TEAD3: variants seen among roughly 807,000 people sequenced by gnomAD.
TEAD3 encodes transcriptional enhancer factor TEF-5.
Under a neutral mutation model 55.6 loss-of-function variants are expected in TEAD3, and 15 were observed. The ratio of observed to expected loss-of-function variants is 0.27; its 90% CI spans 0.18 to 0.42. The LOEUF is 0.42. Ranked by LOEUF, TEAD3 falls within the 10% of genes least tolerant of loss-of-function variation. TEAD3 has a pLI of 1.00. For missense variants in TEAD3, 407 were observed against 576.8 expected, an observed-to-expected ratio of 0.71 and a Z score of 3.01; for synonymous variants, 210 against 232.2, an observed-to-expected ratio of 0.90 and a Z score of 0.87.
In TEAD3 at chr6:35,491,812, G is replaced by C. The variant is rs546356553; in HGVS notation, c.-50+5086C>G. On this transcript the variant is annotated intron_variant, in intron 1 of 12. Coordinates refer to ENST00000639578, the Ensembl canonical transcript of TEAD3. This position sits in a 1 kb window ranked among gnomAD's most constrained non-coding sequence, Gnocchi z 4.4. ...CTTTGGGGCCCTGGGGAAGATAAGG[G>C]GCACCTTGCTGCCCACCCCCACCCT... Among the ~76,000 whole-genome samples the C allele has an allele frequency of 6.6e-6, 1 of 152,310 alleles. No individual in the cohort carries two copies. The highest frequency in any genetic ancestry group is 1.5e-5 in the Non-Finnish European group (1 of 68,014).
At position 35,486,652 on chromosome 6, in the gene TEAD3, T is replaced by G; in HGVS notation, c.11A>C (p.Asn4Thr). Residue 4 changes from asparagine (N) to threonine (T), a missense_variant, in exon 2 of 13, where the codon AAC becomes ACC. By Grantham distance (65) the Asn-to-Thr change is moderately conservative. Transcript: ENST00000639578. The surrounding 1 kb of genome is among the most constrained non-coding windows in gnomAD (Gnocchi z 7.3). ...GGGGCTGCTGCTGGCGTTCCAGCTG[T>G]TGGACGCTATTGTGCTGGTTGCTCT... 2 of 1,612,530 alleles carry G rather than the reference T, an allele frequency of 1.2e-6. No individual in the cohort carries two copies. The highest frequency in any genetic ancestry group is 1.7e-6 in the Non-Finnish European group (2 of 1,179,704).
chr6:35,473,620 ATAACTT>A (rs1483840936), downstream of TEAD3: 2 of 149,226 alleles, frequency 1.3e-5, no homozygotes, highest in African/African-American at 2.5e-5. Context: ...CCACAAACAA[ATAACTT>A]TAATTTTTTT....
At chr6:35,490,971 C>T (rs1042507155) in intron 1 of TEAD3, among the ~76,000 whole-genome samples, 2 of 149,550 alleles carry the variant, frequency 1.3e-5, no homozygotes, top group African/African-American at 5.0e-5. Flanking sequence ...AGAGGAGACC[C>T]AAGTGAGGGT....
exon 6 of TEAD3, chr6:35,478,485 C>T: frequency 6.2e-7 from 1 of 1,612,668 alleles, no homozygotes. Context: ...GTGGGCTGAA[C>T]TTGTTCTGCA....
intron 1 of TEAD3, among the ~76,000 whole-genome samples, chr6:35,489,599 G>A (rs1350273481): frequency 6.6e-6 from 1 of 152,192 alleles, no homozygotes; most frequent in East Asian, 1.9e-4. Context: ...AGAAGGAGCT[G>A]TGCCCCTGAC....
intron 1 of TEAD3, among the ~76,000 whole-genome samples, chr6:35,487,491 G>T (rs1459570794): frequency 2.0e-5 from 3 of 148,316 alleles, no homozygotes; most frequent in Non-Finnish European, 3.0e-5. Context: ...GGCAGAGGTT[G>T]CAGTGAGCCG....
chr6:35,476,474 T>C (rs769159721), intron 8 of TEAD3, 39 bp from the exon 9 acceptor site: 6 of 1,606,414 alleles, frequency 3.7e-6, no homozygotes, highest in Non-Finnish European at 5.1e-6. Context: ...CATGGATGCA[T>C]GCAGGTGCTT....
intron 1 of TEAD3, among the ~76,000 whole-genome samples, chr6:35,490,243 G>A (rs1361154845): frequency 2.0e-5 from 3 of 152,188 alleles, no homozygotes; most frequent in Admixed American, 1.3e-4. Context: ...GGAGCACTGT[G>A]GCCAAATATG....
intron 8 of TEAD3, 150 bp from the exon 9 acceptor site, chr6:35,476,585 C>T: frequency 2.2e-6 from 2 of 928,554 alleles, no homozygotes; most frequent in South Asian, 3.2e-5. Context: ...AGTGTACAAC[C>T]TGCACAACCA....
intron 7 of TEAD3, 23 bp downstream of exon 7, chr6:35,478,252 G>A (rs1768194447): frequency 6.2e-7 from 1 of 1,612,478 alleles, no homozygotes; most frequent in Non-Finnish European, 8.5e-7. Context: ...AGAGGGCGTG[G>A]GATGATGAGC....
intron 1 of TEAD3, among the ~76,000 whole-genome samples, chr6:35,489,033 A>T (rs1189115244): frequency 3.3e-5 from 5 of 152,388 alleles, no homozygotes; most frequent in Admixed American, 2.6e-4. Context: ...TTGGGATTAC[A>T]GGCGTGAGCC....
In TEAD3 at chr6:35,496,066, G is replaced by T. The variant is rs1339735831; in HGVS notation, c.-50+832C>A. 2.6e-5 allele frequency among the ~76,000 whole-genome samples: 4 copies of T among 152,214 alleles called. No individual in the cohort carries two copies. Among genetic ancestry groups the T allele is most frequent in the Non-Finnish European group, 4.4e-5 (3 of 68,042 alleles). ...CCAGCTGGGCTGGAAAACAGATCCAGACCAGCGCTCCCAGCCCTCCCTCCC... is the reference window on the plus strand; with the variant it reads ...CCAGCTGGGCTGGAAAACAGATCCATACCAGCGCTCCCAGCCCTCCCTCCC... On this transcript the variant is annotated intron_variant, in intron 1 of 12. Coordinates refer to ENST00000639578, the Ensembl canonical transcript of TEAD3. This position sits in a 1 kb window ranked among gnomAD's most constrained non-coding sequence, Gnocchi z 4.8.
chr6:35,477,898 T>G (rs749888537), intron 7 of TEAD3, among the ~76,000 whole-genome samples: 4 of 151,832 alleles, frequency 2.6e-5, no homozygotes, highest in Non-Finnish European at 5.9e-5. Context: ...GTAGTTGCAA[T>G]GGTGCAATCA....
At position 35,486,688 on chromosome 6, in the gene TEAD3, C is replaced by T; in HGVS notation, c.-26G>A. 6.2e-7 allele frequency: 1 copy of T among 1,605,564 alleles called. No individual in the cohort carries two copies. Among genetic ancestry groups the T allele is most frequent in the Non-Finnish European group, 8.5e-7 (1 of 1,175,994 alleles). ...TGTGCTGGTTGCTCTGGGCTCTGGG[C>T]CTGAGCCCACTGGGCGGCTGAGCCT... is the stretch of plus-strand genomic sequence containing the variant. On this transcript the variant is annotated 5_prime_UTR_variant, in exon 2 of 13. Transcript: ENST00000639578. This position sits in a 1 kb window ranked among gnomAD's most constrained non-coding sequence, Gnocchi z 7.3.
chr6:35,475,958 C>A lies in TEAD3; in HGVS notation c.861G>T (p.Glu287Asp). Residue 287 changes from glutamate to aspartate, a missense_variant, in exon 10 of 13, where the codon GAG becomes GAT. Coordinates refer to ENST00000639578, the Ensembl canonical transcript of TEAD3. The surrounding 1 kb of genome is among the most constrained non-coding windows in gnomAD (Gnocchi z 5.4). ...GGAAGAAGGCATTAGGGGGCCCCTT[C>A]TCATAGAGCTCCTTCAATCCTCCCT... is the stretch of plus-strand genomic sequence containing the variant. 1 of 1,550,458 alleles carries A rather than the reference C, an allele frequency of 6.4e-7. No homozygotes were observed. The highest frequency in any genetic ancestry group is 8.7e-7 in the Non-Finnish European group (1 of 1,150,932).
chr6:35,489,234 A>C (rs1399716280), intron 1 of TEAD3, among the ~76,000 whole-genome samples: 1 of 152,200 alleles, frequency 6.6e-6, no homozygotes, highest in African/African-American at 2.4e-5. Context: ...CAATAACCCT[A>C]TGGGGCAGAT....
rs371238288 is a variant in TEAD3, at chr6:35,475,455, C to T, written c.1075G>A (p.Val359Met). The T allele has an allele frequency of 2.1e-5, 34 of 1,613,614 alleles. No homozygotes were observed. In the Admixed American group the frequency reaches 4.0e-4, roughly 19 times the overall value. The change falls in exon 12 of 13, where the codon GTG (valine) becomes ATG (methionine). Residue 359 changes from valine to methionine, a missense_variant. Physicochemically the swap from Val to Met is conservative, Grantham distance 21. Transcript: ENST00000639578. This position sits in a 1 kb window ranked among gnomAD's most constrained non-coding sequence, Gnocchi z 5.4. ...ATGGGCGAGCGGTGGATACGGTACA[C>T]AAAGCGCCCGTTCTCCAGCCTGGCA...
chr6:35,479,403 C>A lies in TEAD3; in HGVS notation c.331-87G>T, dbSNP rs983518149. 24 of 1,543,060 alleles carry A rather than the reference C, an allele frequency of 1.6e-5. No homozygotes were observed. In the Admixed American group the frequency reaches 4.1e-4, roughly 26 times the overall value. On this transcript the variant is annotated intron_variant, in intron 4 of 12. Transcript: ENST00000639578. ...GGGACGTCTTTGCGCCTACCTCCAC[C>A]CAGTGCCCATGGGTTTTAGCTTCCG...
intron 1 of TEAD3, among the ~76,000 whole-genome samples, chr6:35,493,278 C>T (rs1440681572): frequency 1.3e-5 from 2 of 151,886 alleles, no homozygotes; most frequent in Admixed American, 6.6e-5. Flanking sequence ...TACATTCCTT[C>T]TTTGTTTTTA....
Sources: gnomAD v4.1 joint callset for allele counts (sites outside exome capture counted in the v4.1 genomes callset) on GRCh38, gnomAD v4.1.1 for gene constraint, Gnocchi (gnomAD v3.1) non-coding constraint, MANE v1.5 for transcripts, NCBI Gene and HGNC (gene_info 2026-07-23, HGNC 2026-07-21) for gene names.